LUC7L2: variants seen among roughly 807,000 people sequenced by gnomAD.
LUC7L2 encodes the protein putative RNA-binding protein Luc7-like 2.
Under a neutral mutation model 52.8 loss-of-function variants are expected in LUC7L2, and 25 were observed. That is an observed-to-expected ratio of 0.47 (90% CI 0.34 to 0.66). The LOEUF is 0.66. LUC7L2 is among the 30% of genes least tolerant of loss of function. The pLI is 0.01. For synonymous variants in LUC7L2, 144 were observed against 160.9 expected, an observed-to-expected ratio of 0.89 and a Z score of 0.80; for missense variants, 328 against 497.8, an observed-to-expected ratio of 0.66 and a Z score of 3.25.
chr7:139,420,513 A>G (rs1191606424), intron 9 of LUC7L2, among the ~76,000 whole-genome samples: 1 of 152,168 alleles, frequency 6.6e-6, no homozygotes, highest in Non-Finnish European at 1.5e-5. Flanking sequence ...TTGGCTAAGT[A>G]ATTTATAACT....
chr7:139,375,918 G>T, intron 1 of LUC7L2, 144 bp from the exon 2 acceptor site: 1 of 733,496 alleles, frequency 1.4e-6, no homozygotes. Context: ...TTTTTCTATA[G>T]GATGTATATA....
intron 2 of LUC7L2, among the ~76,000 whole-genome samples, chr7:139,377,591 G>A (rs916685304): frequency 2.0e-5 from 3 of 151,808 alleles, no homozygotes; most frequent in Non-Finnish European, 2.9e-5. Context: ...ATGAAGTTTC[G>A]TCATGTTGGC....
intron 2 of LUC7L2, among the ~76,000 whole-genome samples, chr7:139,383,179 G>A (rs769060416): frequency 6.6e-5 from 10 of 151,814 alleles, no homozygotes; most frequent in Middle Eastern, 3.4e-3. Context: ...GCAGTGGCAC[G>A]ATCTTGGCTC....
intron 2 of LUC7L2, among the ~76,000 whole-genome samples, chr7:139,377,328 C>T (rs549600829): frequency 3.1e-4 from 47 of 152,284 alleles, no homozygotes; most frequent in African/African-American, 1.1e-3. Flanking sequence ...CCTCAGCCTC[C>T]GGTGTAGCTG....
Position 139,360,295 on chromosome 7 carries a change from G to T in LUC7L2, c.34G>T (p.Asp12Tyr). The change falls in exon 1 of 10, where the codon GAC becomes TAC. Residue 12 changes from aspartate to tyrosine, a missense_variant. Coordinates refer to ENST00000354926, the MANE Select transcript of LUC7L2 (RefSeq NM_016019.5). ...SAQAQMRAML[D>Y]QLMGTSRDGD... ...GCAGGCCCAGATGCGCGCGATGCTG[G>T]ACCAGTTGATGGGCACCTCCCGGGA... The T allele has an allele frequency of 6.4e-7, 1 of 1,573,462 alleles. No individual in the cohort carries two copies. The highest frequency in any genetic ancestry group is 2.4e-5 in the East Asian group (1 of 42,520).
chr7:139,396,259 A>G (rs1205482291), intron 2 of LUC7L2, among the ~76,000 whole-genome samples: 1 of 151,312 alleles, frequency 6.6e-6, no homozygotes, highest in Non-Finnish European at 1.5e-5. Flanking sequence ...GCAAGATAGC[A>G]CCCTTTGTCT....
chr7:139,421,356 G>A (rs1370729903), intron 9 of LUC7L2, among the ~76,000 whole-genome samples: 2 of 152,128 alleles, frequency 1.3e-5, no homozygotes, highest in Admixed American at 1.3e-4. Context: ...GTAATTTGTT[G>A]AATTTTAGAT....
intron 9 of LUC7L2, 121 bp downstream of exon 9, chr7:139,417,850 TA>T (rs1484381036): frequency 1.5e-6 from 2 of 1,327,126 alleles, no homozygotes; most frequent in African/African-American, 1.5e-5. Flanking sequence ...CATCTGGTAA[TA>T]TGTACACATT....
chr7:139,343,915 G>C (rs1423960966), intron 1 of LUC7L2, among the ~76,000 whole-genome samples: 2 of 126,864 alleles, frequency 1.6e-5, no homozygotes, highest in African/African-American at 7.0e-5. Flanking sequence ...AACAAAGTGA[G>C]ACCCTGTCCC....
intron 2 of LUC7L2, among the ~76,000 whole-genome samples, chr7:139,380,040 G>A (rs1340317100): frequency 6.6e-6 from 1 of 151,694 alleles, no homozygotes; most frequent in African/African-American, 2.4e-5. Context: ...TTAGCCGGGC[G>A]TAGTGGCCCG....
At chr7:139,405,916 T>C in intron 5 of LUC7L2, 129 bp downstream of exon 5, 1 of 1,320,424 alleles carries the variant, frequency 7.6e-7, no homozygotes, top group South Asian at 2.0e-5. Flanking sequence ...ATTGAACAGT[T>C]GTTAAAGAGA....
chr7:139,392,003 C>T (rs754039272), intron 2 of LUC7L2, among the ~76,000 whole-genome samples: 3 of 152,122 alleles, frequency 2.0e-5, no homozygotes, highest in Middle Eastern at 3.2e-3. Context: ...TTCCAAAATT[C>T]GTATTTTATT....
intron 1 of LUC7L2, chr7:139,375,179 T>G (rs1294542949): frequency 1.7e-5 from 17 of 983,038 alleles, no homozygotes; most frequent in Non-Finnish European, 1.9e-5. Flanking sequence ...AACATCTATA[T>G]TTTGTTATTG....
intron 2 of LUC7L2, among the ~76,000 whole-genome samples, chr7:139,385,495 A>C (rs1181250584): frequency 6.6e-6 from 1 of 151,562 alleles, no homozygotes; most frequent in Non-Finnish European, 1.5e-5. Flanking sequence ...CTAATTTTAA[A>C]ATTTCTGTAG....
At chr7:139,376,257 G>C (rs1800704805) in intron 2 of LUC7L2, 101 bp downstream of exon 2, 2 of 1,185,114 alleles carry the variant, frequency 1.7e-6, no homozygotes. Context: ...ACTTGTGAGG[G>C]GAGATTTGCA....
chr7:139,357,221 G>A (rs942307159), upstream of LUC7L2, among the ~76,000 whole-genome samples: 8 of 152,004 alleles, frequency 5.3e-5, no homozygotes, highest in African/African-American at 1.9e-4. Flanking sequence ...CAGGAAAGGA[G>A]AGAAAAACAT....
At chr7:139,406,154 C>T (rs1050240070) in intron 5 of LUC7L2, among the ~76,000 whole-genome samples, 1 of 152,060 alleles carries the variant, frequency 6.6e-6, no homozygotes, top group African/African-American at 2.4e-5. Context: ...CGGGTTCAAG[C>T]GATTCTCCTG....
intron 1 of LUC7L2, chr7:139,374,284 T>G (rs1800600700): frequency 2.6e-6 from 2 of 765,136 alleles, no homozygotes; most frequent in Non-Finnish European, 2.1e-6. Flanking sequence ...TTCACTTTTG[T>G]TTTTATATAA....
At chr7:139,351,944 C>T (rs1799470059) in intron 1 of LUC7L2, among the ~76,000 whole-genome samples, 1 of 152,180 alleles carries the variant, frequency 6.6e-6, no homozygotes, top group African/African-American at 2.4e-5. Flanking sequence ...TTTGTAATCC[C>T]AGCACAGTGG....
Sources: gnomAD v4.1 joint callset for allele counts (sites outside exome capture counted in the v4.1 genomes callset) on GRCh38, gnomAD v4.1.1 for gene constraint, MANE v1.5 for transcripts, NCBI Gene and HGNC (gene_info 2026-07-23, HGNC 2026-07-21) for gene names.